Variants in CABLES1 observed in about 807,000 individuals in gnomAD.
CABLES1 encodes CDK5 and ABL1 enzyme substrate 1.
CABLES1 carries 36 observed loss-of-function variants against 57.8 expected under a neutral mutation model. The observed-to-expected ratio is 0.62, with a 90% CI of 0.48 to 0.82. The LOEUF is 0.82. CABLES1 is among the 40% of genes least tolerant of loss of function. CABLES1 has a pLI of 0.00. For synonymous variants in CABLES1, 374 were observed against 363.0 expected, an observed-to-expected ratio of 1.03 and a Z score of -0.35; for missense variants, 767 against 836.6, an observed-to-expected ratio of 0.92 and a Z score of 1.03.
intron 1 of CABLES1, among the ~76,000 whole-genome samples, chr18:23,148,563 C>G (rs576323678): frequency 6.6e-6 from 1 of 152,198 alleles, no homozygotes; most frequent in African/African-American, 2.4e-5. Context: ...GCAAGTGTGG[C>G]CTTGTTCAGA....
intron 7 of CABLES1, among the ~76,000 whole-genome samples, chr18:23,242,337 G>A (rs2047756754): frequency 6.6e-6 from 1 of 152,150 alleles, no homozygotes; most frequent in Admixed American, 6.5e-5. Context: ...CGGTGGTTTG[G>A]TCTTCAAGTT....
Position 23,227,766 on chromosome 18 carries a change from T to C in CABLES1, c.1089-6842T>C, listed in dbSNP as rs545190140. On this transcript the variant is annotated intron_variant, in intron 4 of 9. Coordinates refer to ENST00000256925, the MANE Select transcript of CABLES1 (RefSeq NM_001100619.3). Reference sequence around the variant, plus strand: ...ATTAAAATTTAGCTCACAAGTGGTATTTCCTTTCGTAATCCAGCTTTCAGG... The same window carrying C: ...ATTAAAATTTAGCTCACAAGTGGTACTTCCTTTCGTAATCCAGCTTTCAGG... 2.6e-5 allele frequency among the ~76,000 whole-genome samples: 4 copies of C among 152,350 alleles called. No homozygotes were observed. The South Asian group carries it at 6.2e-4, about 24-fold the overall frequency.
At chr18:23,215,844 C>T (rs1293371514) in intron 4 of CABLES1, among the ~76,000 whole-genome samples, 1 of 151,852 alleles carries the variant, frequency 6.6e-6, no homozygotes, top group Non-Finnish European at 1.5e-5. Context: ...AGCTCCGCCT[C>T]CCGGGTTCAC....
intron 4 of CABLES1, chr18:23,219,269 G>A (rs796307638): frequency 7.3e-5 from 33 of 454,100 alleles, no homozygotes; most frequent in African/African-American, 4.8e-4. Context: ...AGTAGGAGAC[G>A]GGAATAAGCT....
intron 3 of CABLES1, among the ~76,000 whole-genome samples, chr18:23,200,461 A>G (rs1282851284): frequency 6.6e-6 from 1 of 152,080 alleles, no homozygotes; most frequent in East Asian, 1.9e-4. Context: ...ACGGGGTTTC[A>G]CCATGTTAGC....
rs2047590738 is a variant in CABLES1, at chr18:23,234,698, TG to T, written c.1182del (p.Lys395ArgfsTer22). 1 of 1,612,742 alleles carries T rather than the reference TG, an allele frequency of 6.2e-7. No individual in the cohort carries two copies. The highest frequency in any genetic ancestry group is 8.5e-7 in the Non-Finnish European group (1 of 1,179,524). On this transcript the variant is annotated frameshift_variant, in exon 5 of 10. Coordinates refer to ENST00000256925, the MANE Select transcript of CABLES1 (RefSeq NM_001100619.3). LOFTEE classifies it high-confidence loss of function. ...GLEGVELGAD[G>X]KTVSYTQFLL... ...TGGAAGGTGTGGAGCTGGGTGCTGA[TG>T]GGAAGGTAAGGCTGCCAGGCTGCCA... is the stretch of plus-strand genomic sequence containing the variant.
intron 3 of CABLES1, among the ~76,000 whole-genome samples, chr18:23,203,747 G>T: frequency 6.6e-6 from 1 of 152,118 alleles, no homozygotes; most frequent in Non-Finnish European, 1.5e-5. Flanking sequence ...TGGCCTTTTT[G>T]AAAGAAGAAA....
In CABLES1 at chr18:23,171,825, A is replaced by G. The variant is rs73402672; in HGVS notation, c.846-17013A>G. On this transcript the variant is annotated intron_variant, in intron 1 of 9. Coordinates refer to ENST00000256925, the MANE Select transcript of CABLES1 (RefSeq NM_001100619.3). Reference sequence around the variant, plus strand: ...ACATCCCTGCCAAACCAGGCAGCTCAGAGCTTGCCTGCATTCCGAGCTCTG... The same window carrying G: ...ACATCCCTGCCAAACCAGGCAGCTCGGAGCTTGCCTGCATTCCGAGCTCTG... Among the ~76,000 whole-genome samples, 813 of 152,332 alleles carry G rather than the reference A, an allele frequency of 5.3e-3. 6 individuals carry two copies. The highest frequency in any genetic ancestry group is 0.018 in the African/African-American group (759 of 41,588).
rs540566963 is a variant in CABLES1, at chr18:23,219,533, T to C, written c.1088+5479T>C. Among the ~76,000 whole-genome samples the C allele has an allele frequency of 2.6e-5, 4 of 152,284 alleles. No individual in the cohort carries two copies. In the East Asian group the frequency reaches 5.8e-4, roughly 22 times the overall value. On this transcript the variant is annotated intron_variant, in intron 4 of 9. Transcript: ENST00000256925. Reference sequence around the variant, plus strand: ...GAACTCTCAGGCAGGGCCTGCCCTGTTGAGAGATTTAGTGATGCCTTATTC... The same window carrying C: ...GAACTCTCAGGCAGGGCCTGCCCTGCTGAGAGATTTAGTGATGCCTTATTC...
chr18:23,201,388 G>A (rs186152183), intron 3 of CABLES1, among the ~76,000 whole-genome samples: 243 of 152,298 alleles, frequency 1.6e-3, no homozygotes, highest in South Asian at 2.1e-3. Context: ...CATGCATGTC[G>A]TGTCATAGAA....
chr18:23,191,561 GCC>G (rs943580429), intron 2 of CABLES1, among the ~76,000 whole-genome samples: 7 of 152,164 alleles, frequency 4.6e-5, no homozygotes, highest in Admixed American at 2.6e-4. Flanking sequence ...AAGGCTATTA[GCC>G]CAACTTGCTT....
intron 1 of CABLES1, among the ~76,000 whole-genome samples, chr18:23,161,272 CTT>C (rs2047002016): frequency 6.6e-6 from 1 of 151,970 alleles, no homozygotes; most frequent in African/African-American, 2.4e-5. Context: ...AAACAACTCT[CTT>C]TATCATGTCT....
chr18:23,155,998 GT>G lies in CABLES1; in HGVS notation c.845+19398del. On this transcript the variant is annotated intron_variant, in intron 1 of 9. Coordinates refer to ENST00000256925, the MANE Select transcript of CABLES1 (RefSeq NM_001100619.3). ...CTGGGTGACCCAGAGAGCTGAGTCT[GT>G]TTTTTTGGCTCCCCCCTTTGGATGC... is the stretch of plus-strand genomic sequence containing the variant. 13 of 1,610,554 alleles carry G rather than the reference GT, an allele frequency of 8.1e-6. 1 individual carries two copies. The South Asian group carries it at 1.4e-4, about 18-fold the overall frequency.
intron 1 of CABLES1, among the ~76,000 whole-genome samples, chr18:23,168,926 G>A (rs2047062291): frequency 6.6e-6 from 1 of 152,192 alleles, no homozygotes; most frequent in African/African-American, 2.4e-5. Context: ...GTAAAATGAG[G>A]CTGAGACCTA....
chr18:23,258,653 A>G lies in CABLES1; in HGVS notation c.*1286A>G, dbSNP rs879425299. On this transcript the variant is annotated 3_prime_UTR_variant, in exon 10 of 10. Transcript: ENST00000256925. ...GAATTAAACTCTTGTTGCTTTTTGTATACCTGTATGCGTTTGTGTAGACGT... is the reference window on the plus strand; with the variant it reads ...GAATTAAACTCTTGTTGCTTTTTGTGTACCTGTATGCGTTTGTGTAGACGT... 6.6e-6 allele frequency: 1 copy of G among 152,210 alleles called. No homozygotes were observed. 9.4% of individuals were successfully genotyped at this position (152,210 alleles called of 1,614,324 possible).
intron 1 of CABLES1, among the ~76,000 whole-genome samples, chr18:23,150,736 T>G (rs935865163): frequency 6.6e-6 from 1 of 151,748 alleles, no homozygotes; most frequent in Middle Eastern, 3.2e-3. Context: ...TGAACTTCTA[T>G]TAGGTGTTGT....
At chr18:23,170,757 A>G (rs907304263) in intron 1 of CABLES1, among the ~76,000 whole-genome samples, 1 of 152,152 alleles carries the variant, frequency 6.6e-6, no homozygotes, top group Non-Finnish European at 1.5e-5. Flanking sequence ...GACTTCCCAC[A>G]GTGTTGGCTG....
chr18:23,154,691 T>G (rs1026171795), intron 1 of CABLES1, among the ~76,000 whole-genome samples: 3 of 152,338 alleles, frequency 2.0e-5, no homozygotes, highest in East Asian at 3.9e-4. Context: ...ATTTGAACTT[T>G]AGAGAATTGA....
At chr18:23,175,747 C>A (rs879702733) in intron 1 of CABLES1, among the ~76,000 whole-genome samples, 3 of 152,194 alleles carry the variant, frequency 2.0e-5, no homozygotes, top group Admixed American at 2.0e-4. Flanking sequence ...TGCTACTGGT[C>A]CCCTGGAGCT....
Sources: allele counts gnomAD v4.1 joint callset (sites outside exome capture counted in the v4.1 genomes callset), GRCh38; gene constraint gnomAD v4.1.1; transcripts MANE v1.5; gene names NCBI Gene and HGNC (gene_info 2026-07-23, HGNC 2026-07-21).